Variants in CSMD1 observed in about 807,000 individuals in gnomAD.
The protein encoded by CSMD1 is CUB and Sushi multiple domains 1, also known as CUB and sushi domain-containing protein 1.
CSMD1 carries 213 observed loss-of-function variants against 417.5 expected under a neutral mutation model. The observed-to-expected ratio is 0.51, with a 90% CI of 0.46 to 0.57. The LOEUF is 0.57. Among genes scored for constraint, CSMD1 ranks in the 20% least tolerant of loss-of-function variants. The pLI is 0.00. For synonymous variants in CSMD1, 2,862 were observed against 1,736.8 expected (o/e 1.65, Z -16.11); for missense variants, 6,923 against 4,529.7 (o/e 1.53, Z -15.17).
chr8:4,217,530 G>A (rs1800756722), intron 3 of CSMD1, among the ~76,000 whole-genome samples: 1 of 152,146 alleles, frequency 6.6e-6, no homozygotes, highest in African/African-American at 2.4e-5. Flanking sequence ...AGGTGGTGGT[G>A]GAAGTGTCTT....
intron 10 of CSMD1, among the ~76,000 whole-genome samples, chr8:3,546,897 G>C (rs1316898450): frequency 1.3e-5 from 2 of 152,220 alleles, no homozygotes; most frequent in Non-Finnish European, 2.9e-5. Context: ...CTGTGAAAAT[G>C]TTTCCACTGC....
chr8:3,390,231 T>C (rs982398811), intron 17 of CSMD1, among the ~76,000 whole-genome samples: 2 of 151,638 alleles, frequency 1.3e-5, no homozygotes, highest in African/African-American at 4.8e-5. Flanking sequence ...GGTGGGCACC[T>C]GGAATCCCAG....
intron 52 of CSMD1, among the ~76,000 whole-genome samples, chr8:3,001,201 G>T (rs557440205): frequency 2.6e-5 from 4 of 152,060 alleles, no homozygotes; most frequent in Admixed American, 6.5e-5. Flanking sequence ...TCATTATGTT[G>T]TTCAGGCTGG....
intron 7 of CSMD1, among the ~76,000 whole-genome samples, chr8:3,630,248 G>C (rs886398701): frequency 2.7e-4 from 41 of 152,120 alleles, no homozygotes; most frequent in African/African-American, 9.9e-4. Flanking sequence ...TTTTGGATAG[G>C]GTCACAGTTG....
rs534437887 is a variant in CSMD1, at chr8:4,155,508, A to C, written c.416-123409T>G. 2.6e-5 allele frequency among the ~76,000 whole-genome samples: 4 copies of C among 152,216 alleles called. No homozygotes were observed. In the South Asian group the frequency reaches 8.3e-4, roughly 32 times the overall value. On this transcript the variant is annotated intron_variant, in intron 3 of 69. Transcript: ENST00000635120. ...TAAACAAGGGAAAGTATCGTTCTTAAACGCCAAACTTAAATGGTTAAAAAA... is the reference window on the plus strand; with the variant it reads ...TAAACAAGGGAAAGTATCGTTCTTACACGCCAAACTTAAATGGTTAAAAAA...
chr8:4,796,398 G>C (rs796710608), intron 1 of CSMD1, among the ~76,000 whole-genome samples: 1 of 151,942 alleles, frequency 6.6e-6, no homozygotes, highest in Non-Finnish European at 1.5e-5. Flanking sequence ...CTGTCTAAGG[G>C]CATTTACTTT....
At chr8:3,693,200 C>G (rs1472419598) in intron 7 of CSMD1, among the ~76,000 whole-genome samples, 1 of 152,144 alleles carries the variant, frequency 6.6e-6, no homozygotes, top group Non-Finnish European at 1.5e-5. Flanking sequence ...TGAATCAATA[C>G]TGTTCATCAA....
At chr8:3,095,748 T>C (rs1489766864) in intron 47 of CSMD1, among the ~76,000 whole-genome samples, 1 of 152,210 alleles carries the variant, frequency 6.6e-6, no homozygotes, top group Non-Finnish European at 1.5e-5. Context: ...GCCATAATTG[T>C]AACTGGTCTA....
Position 4,187,431 on chromosome 8 carries a change from G to T in CSMD1, c.416-155332C>A, listed in dbSNP as rs114145617. ...GGAGGCCAAGGCAGGCAGATCACCT[G>T]AGGTCAGGAAGAGACCAGCCTGATC... On this transcript the variant is annotated intron_variant, in intron 3 of 69. Coordinates refer to ENST00000635120, the MANE Select transcript of CSMD1 (RefSeq NM_033225.6). Among the ~76,000 whole-genome samples, 269 of 152,224 alleles carry T rather than the reference G, an allele frequency of 1.8e-3. 10 individuals carry two copies. The East Asian group carries it at 0.046, about 26-fold the overall frequency.
chr8:3,579,206 G>C (rs1396717505), intron 9 of CSMD1, among the ~76,000 whole-genome samples: 1 of 152,118 alleles, frequency 6.6e-6, no homozygotes, highest in Non-Finnish European at 1.5e-5. Flanking sequence ...AACGTCAGGA[G>C]GGAAAGTGGA....
chr8:3,913,238 G>C (rs1808580114), intron 5 of CSMD1, among the ~76,000 whole-genome samples: 1 of 152,138 alleles, frequency 6.6e-6, no homozygotes, highest in Admixed American at 6.5e-5. Context: ...TAAACATTCA[G>C]GAATCCTTGG....
intron 6 of CSMD1, among the ~76,000 whole-genome samples, chr8:3,737,949 TAAAAG>T (rs1176652386): frequency 6.6e-6 from 1 of 152,162 alleles, no homozygotes; most frequent in African/African-American, 2.4e-5. Flanking sequence ...GGGAAATTCT[TAAAAG>T]AAACAACTAA....
chr8:4,717,620 A>G (rs1808768434), intron 1 of CSMD1, among the ~76,000 whole-genome samples: 1 of 151,390 alleles, frequency 6.6e-6, no homozygotes, highest in East Asian at 2.0e-4. Flanking sequence ...AGTAGGAACT[A>G]TATATATTTC....
chr8:3,407,173 G>A (rs996564823), intron 14 of CSMD1, among the ~76,000 whole-genome samples: 1 of 78,762 alleles, frequency 1.3e-5, no homozygotes, highest in African/African-American at 5.9e-5. Context: ...ATGGAAGGAT[G>A]GATAATGGAA....
chr8:2,960,205 T>A (rs1425010903), intron 62 of CSMD1, among the ~76,000 whole-genome samples: 8 of 152,234 alleles, frequency 5.3e-5, no homozygotes, highest in African/African-American at 1.9e-4. Context: ...TACCTGAAAG[T>A]ATTTACTTGA....
chr8:3,766,204 C>T (rs1009129676), intron 5 of CSMD1, among the ~76,000 whole-genome samples: 22 of 152,150 alleles, frequency 1.4e-4, no homozygotes, highest in Non-Finnish European at 1.6e-4. Flanking sequence ...ATGAGGCCAG[C>T]ACAGTGGTGC....
At chr8:3,553,035 A>G (rs753940994) in intron 10 of CSMD1, among the ~76,000 whole-genome samples, 3 of 152,142 alleles carry the variant, frequency 2.0e-5, no homozygotes, top group Non-Finnish European at 4.4e-5. Flanking sequence ...TTGCAGAAGA[A>G]TACTGAAGAG....
chr8:2,988,568 A>G (rs73502841), intron 54 of CSMD1, among the ~76,000 whole-genome samples: 7,886 of 152,254 alleles, frequency 0.052, 530 homozygotes, highest in African/African-American at 0.16. Context: ...ATGGGCCTCC[A>G]GGAGAGTAGG....
intron 12 of CSMD1, among the ~76,000 whole-genome samples, chr8:3,455,724 T>G (rs1816079095): frequency 6.6e-6 from 1 of 152,218 alleles, no homozygotes; most frequent in East Asian, 1.9e-4. Flanking sequence ...CTGCCCCTAC[T>G]GGGGATGCGT....
Sources: gnomAD v4.1 joint callset for allele counts (sites outside exome capture counted in the v4.1 genomes callset) on GRCh38, gnomAD v4.1.1 for gene constraint, MANE v1.5 for transcripts, NCBI Gene and HGNC (gene_info 2026-07-23, HGNC 2026-07-21) for gene names.